METAP1: variants seen among roughly 807,000 people sequenced by gnomAD.
METAP1 encodes the protein methionyl aminopeptidase 1, also known as methionine aminopeptidase 1.
Under a neutral mutation model 53.8 loss-of-function variants are expected in METAP1, and 28 were observed. That is an observed-to-expected ratio of 0.52 (90% CI 0.39 to 0.71). METAP1 has a LOEUF of 0.71. METAP1 is among the 30% of genes least tolerant of loss of function. METAP1 has a pLI of 0.00. For synonymous variants in METAP1, 181 were observed against 165.7 expected, an observed-to-expected ratio of 1.09 and a Z score of -0.71; for missense variants, 389 against 479.8, an observed-to-expected ratio of 0.81 and a Z score of 1.77.
chr4:99,026,698 AAG>A (rs1724592292), intron 1 of METAP1: 2 of 985,292 alleles, frequency 2.0e-6, no homozygotes. Flanking sequence ...ACTGGGGAAT[AAG>A]AGGAAGAAAA....
intron 1 of METAP1, among the ~76,000 whole-genome samples, chr4:98,997,698 A>C (rs62323238): frequency 0.037 from 5,648 of 152,324 alleles, 135 homozygotes; most frequent in African/African-American, 0.058. Flanking sequence ...ATGCTAGACA[A>C]ATTTGTGAAA....
chr4:99,051,793 CAG>C (rs1243486489), intron 9 of METAP1, among the ~76,000 whole-genome samples: 2 of 151,140 alleles, frequency 1.3e-5, no homozygotes, highest in African/African-American at 2.4e-5. Flanking sequence ...TTTTGTATAG[CAG>C]AGATATCTTT....
At chr4:99,045,869 A>G (rs1031462450) in intron 8 of METAP1, among the ~76,000 whole-genome samples, 4 of 152,252 alleles carry the variant, frequency 2.6e-5, no homozygotes, top group African/African-American at 9.6e-5. Flanking sequence ...ACTATCATAG[A>G]GATCTTTTCA....
At chr4:99,052,317 A>G (rs914266654) in intron 9 of METAP1, among the ~76,000 whole-genome samples, 45 of 152,300 alleles carry the variant, frequency 3.0e-4, no homozygotes, top group African/African-American at 9.9e-4. Context: ...TTTGTATTAC[A>G]TTCTCACATT....
At chr4:99,018,510 C>T (rs1723908776) in intron 1 of METAP1, among the ~76,000 whole-genome samples, 1 of 152,184 alleles carries the variant, frequency 6.6e-6, no homozygotes, top group South Asian at 2.1e-4. Context: ...TGCTTCTGTC[C>T]TGTATGGGGG....
chr4:99,038,117 T>C (rs924464834), intron 4 of METAP1, among the ~76,000 whole-genome samples: 4 of 152,022 alleles, frequency 2.6e-5, no homozygotes, highest in Admixed American at 6.6e-5. Flanking sequence ...GGGAAAGTTA[T>C]TGATTTTGAT....
chr4:98,998,813 A>AT (rs532427603), intron 1 of METAP1, among the ~76,000 whole-genome samples: 3,363 of 143,990 alleles, frequency 0.023, 71 homozygotes, highest in Middle Eastern at 0.062. Context: ...AAAAATGAGG[A>AT]TTTTTTTTTT....
intron 9 of METAP1, among the ~76,000 whole-genome samples, chr4:99,056,515 T>A (rs778508795): frequency 7.9e-5 from 12 of 152,170 alleles, no homozygotes; most frequent in Non-Finnish European, 1.3e-4. Context: ...AATTAAAAAA[T>A]AATGGTCTCC....
At chr4:99,034,381 G>C in intron 3 of METAP1, 39 bp downstream of exon 3, 1 of 1,194,284 alleles carries the variant, frequency 8.4e-7, no homozygotes, top group East Asian at 2.6e-5. Context: ...TTCCAATTTT[G>C]AATTTTCCAA....
chr4:99,050,920 A>G (rs1321213867), intron 9 of METAP1, among the ~76,000 whole-genome samples: 1 of 152,154 alleles, frequency 6.6e-6, no homozygotes, highest in Non-Finnish European at 1.5e-5. Context: ...ACAGCATCTA[A>G]TGTGTGTCAA....
intron 1 of METAP1, among the ~76,000 whole-genome samples, chr4:99,005,253 C>T (rs1051161259): frequency 6.6e-6 from 1 of 151,722 alleles, no homozygotes; most frequent in Non-Finnish European, 1.5e-5. Context: ...GGACTAATAC[C>T]CAGAATCTAC....
chr4:99,020,691 A>G (rs1192291270), intron 1 of METAP1, among the ~76,000 whole-genome samples: 2 of 152,174 alleles, frequency 1.3e-5, no homozygotes, highest in African/African-American at 2.4e-5. Flanking sequence ...GGCATAGTGT[A>G]TCTCTTCTGA....
At chr4:99,031,104 T>TG (rs1207150730) in intron 2 of METAP1, among the ~76,000 whole-genome samples, 3 of 147,964 alleles carry the variant, frequency 2.0e-5, no homozygotes, top group African/African-American at 4.9e-5. Flanking sequence ...AAAGGTAGTT[T>TG]TTTTTTTTTT....
chr4:99,036,906 C>G (rs1250629541), intron 4 of METAP1, among the ~76,000 whole-genome samples: 1 of 151,944 alleles, frequency 6.6e-6, no homozygotes, highest in Non-Finnish European at 1.5e-5. Flanking sequence ...AGAGATATTA[C>G]AAATTTCAGA....
At chr4:99,056,924 G>A (rs1002565682) in intron 9 of METAP1, among the ~76,000 whole-genome samples, 3 of 152,098 alleles carry the variant, frequency 2.0e-5, no homozygotes, top group Admixed American at 6.6e-5. Flanking sequence ...GTGCAGTGGC[G>A]CAATTGATCT....
intron 1 of METAP1, among the ~76,000 whole-genome samples, chr4:99,006,469 G>A (rs974573125): frequency 2.0e-5 from 3 of 152,036 alleles, no homozygotes; most frequent in African/African-American, 7.2e-5. Flanking sequence ...TGTGTATTGG[G>A]TGTGTGTGTA....
At position 99,013,312 on chromosome 4, in the gene METAP1, C is replaced by T. The variant is rs182254371; in HGVS notation, c.115-15555C>T. Among the ~76,000 whole-genome samples the T allele has an allele frequency of 2.6e-4, 39 of 152,214 alleles. 1 individual carries two copies. The highest frequency in any genetic ancestry group is 8.9e-4 in the African/African-American group (37 of 41,524). On this transcript the variant is annotated intron_variant, in intron 1 of 10. Coordinates refer to ENST00000296411, the MANE Select transcript of METAP1 (RefSeq NM_015143.3). Reference sequence around the variant, plus strand: ...TATTTCTTCCCAACCCAGTCCACCCCATTAACTGTCAGTTTTTTCTACTAA... The same window carrying T: ...TATTTCTTCCCAACCCAGTCCACCCTATTAACTGTCAGTTTTTTCTACTAA...
At chr4:99,042,189 C>T (rs954430774) in intron 6 of METAP1, among the ~76,000 whole-genome samples, 7 of 151,386 alleles carry the variant, frequency 4.6e-5, no homozygotes, top group African/African-American at 7.3e-5. Context: ...ATGCTCTGAA[C>T]TATTATTTGT....
chr4:99,006,209 C>T (rs1723171237), intron 1 of METAP1, among the ~76,000 whole-genome samples: 2 of 152,054 alleles, frequency 1.3e-5, no homozygotes, highest in South Asian at 2.1e-4. Context: ...CTTCAAGGGG[C>T]TTATGCTATT....
Sources: gnomAD v4.1 joint callset for allele counts (sites outside exome capture counted in the v4.1 genomes callset) on GRCh38, gnomAD v4.1.1 for gene constraint, MANE v1.5 for transcripts, NCBI Gene and HGNC (gene_info 2026-07-23, HGNC 2026-07-21) for gene names.